The following TENM2 variants were observed in gnomAD, a reference collection of about 807,000 sequenced individuals.
TENM2 encodes teneurin-2.
Under a neutral mutation model 245.2 loss-of-function variants are expected in TENM2, and 52 were observed. The observed-to-expected ratio is 0.21, with a 90% confidence interval of 0.17 to 0.27. TENM2 has a LOEUF of 0.27. TENM2 is among the 10% of genes least tolerant of loss of function. The pLI is 1.00. For missense variants in TENM2, 3,046 were observed against 3,666.8 expected, an observed-to-expected ratio of 0.83 and a Z score of 4.37; for synonymous variants, 1,363 against 1,438.9, an observed-to-expected ratio of 0.95 and a Z score of 1.19.
chr5:167,596,105 G>T (rs1177285750), intron 2 of TENM2, among the ~76,000 whole-genome samples: 1 of 152,090 alleles, frequency 6.6e-6, no homozygotes, highest in Non-Finnish European at 1.5e-5. Flanking sequence ...TTCATATGAT[G>T]GCAAGTTCTA....
the TENM2 span, among the ~76,000 whole-genome samples, chr5:167,196,542 A>ATGTGTGTATATATATG: frequency 6.7e-6 from 1 of 148,816 alleles, no homozygotes; most frequent in African/African-American, 2.5e-5. Flanking sequence ...GTGTACATAT[A>ATGTGTGTATATATATG]TGTGTGTATA....
At chr5:167,048,451 G>A in the TENM2 span, among the ~76,000 whole-genome samples, 1 of 152,118 alleles carries the variant, frequency 6.6e-6, no homozygotes, top group Non-Finnish European at 1.5e-5. Flanking sequence ...TACATTGGAA[G>A]AGAAATGTGT....
intron 2 of TENM2, among the ~76,000 whole-genome samples, chr5:167,486,803 C>A (rs1183930357): frequency 6.6e-6 from 1 of 152,116 alleles, no homozygotes; most frequent in Non-Finnish European, 1.5e-5. Context: ...CCCATCACTA[C>A]ATGCTTGCTC....
the TENM2 span, among the ~76,000 whole-genome samples, chr5:167,194,062 C>G: frequency 6.6e-6 from 1 of 151,904 alleles, no homozygotes; most frequent in Non-Finnish European, 1.5e-5. Flanking sequence ...AAGACTAAAT[C>G]ACTGTGAAGG....
intron 2 of TENM2, among the ~76,000 whole-genome samples, chr5:167,658,989 G>T (rs1362024059): frequency 2.0e-5 from 3 of 152,148 alleles, no homozygotes; most frequent in Admixed American, 1.3e-4. Flanking sequence ...TTCTATACAT[G>T]CACAGGCAAA....
At chr5:167,813,626 G>T (rs1766810467) in intron 2 of TENM2, among the ~76,000 whole-genome samples, 1 of 152,012 alleles carries the variant, frequency 6.6e-6, no homozygotes, top group Non-Finnish European at 1.5e-5. Context: ...TTGACAAATT[G>T]AAGCCTTCAA....
chr5:167,940,814 AAACATTGTT>A (rs1455661672), intron 3 of TENM2, among the ~76,000 whole-genome samples: 3 of 152,234 alleles, frequency 2.0e-5, no homozygotes, highest in Admixed American at 6.5e-5. Context: ...CCTCTGCCTG[AAACATTGTT>A]CCCTCAGACA....
intron 2 of TENM2, among the ~76,000 whole-genome samples, chr5:167,658,111 A>T (rs1205407152): frequency 6.6e-6 from 1 of 152,050 alleles, no homozygotes; most frequent in Non-Finnish European, 1.5e-5. Context: ...GGAGGCTGGG[A>T]TGTTCAATAT....
chr5:167,089,436 G>A, the TENM2 span, among the ~76,000 whole-genome samples: 5 of 152,098 alleles, frequency 3.3e-5, no homozygotes, highest in Admixed American at 3.3e-4. Flanking sequence ...CTGATGCTTG[G>A]TAATGGTTTA....
At chr5:167,845,760 G>T (rs573839572) in intron 2 of TENM2, among the ~76,000 whole-genome samples, 1 of 152,112 alleles carries the variant, frequency 6.6e-6, no homozygotes, top group African/African-American at 2.4e-5. Context: ...AACACTCTTC[G>T]CTGATTATCT....
At chr5:168,028,629 A>G (rs896486888) in intron 5 of TENM2, among the ~76,000 whole-genome samples, 8 of 152,238 alleles carry the variant, frequency 5.3e-5, no homozygotes, top group African/African-American at 1.9e-4. Flanking sequence ...TTAATATAAT[A>G]TATCCCAAAT....
the TENM2 span, among the ~76,000 whole-genome samples, chr5:167,131,904 C>T: frequency 6.6e-6 from 1 of 152,126 alleles, no homozygotes; most frequent in African/African-American, 2.4e-5. Flanking sequence ...CTCACTGCAA[C>T]CTCCACCTCC....
chr5:167,231,328 T>G, the TENM2 span, among the ~76,000 whole-genome samples: 4 of 152,202 alleles, frequency 2.6e-5, no homozygotes, highest in Non-Finnish European at 5.9e-5. Context: ...GGTTTGGAAC[T>G]TCGTAGAGAC....
chr5:167,678,316 T>A (rs963803064), intron 2 of TENM2, among the ~76,000 whole-genome samples: 8 of 152,146 alleles, frequency 5.3e-5, no homozygotes, highest in Non-Finnish European at 7.4e-5. Flanking sequence ...ACACTTCTTG[T>A]TATCACGTAT....
chr5:167,929,061 GAAAGAA>G (rs2151688227), intron 3 of TENM2, among the ~76,000 whole-genome samples: 1 of 6,270 alleles, frequency 1.6e-4, no homozygotes, highest in South Asian at 0.012. Flanking sequence ...AAGAAAGAGA[GAAAGAA>G]AGAAAGAAAG....
rs148653222 is a variant in TENM2 at position 167,462,849 on chromosome 5, C to G, written c.502+87376C>G. Among the ~76,000 whole-genome samples the G allele has an allele frequency of 4.3e-3, 655 of 152,098 alleles. 7 individuals carry two copies. Among genetic ancestry groups the G allele is most frequent in the African/African-American group, 0.015 (618 of 41,522 alleles). ...GTTCTCATTTAGAGCTGCCAGTTTC[C>G]AGGCTGGAGGGTGGAGCGTTTGCTG... is the stretch of plus-strand genomic sequence containing the variant. On this transcript the variant is annotated intron_variant, in intron 2 of 28. Transcript: ENST00000518659.
intron 3 of TENM2, among the ~76,000 whole-genome samples, chr5:167,905,095 G>T (rs771459841): frequency 1.3e-5 from 2 of 152,186 alleles, no homozygotes; most frequent in African/African-American, 4.8e-5. Flanking sequence ...ATGATCTCAC[G>T]GTTGCAACTA....
Position 168,062,051 on chromosome 5 carries a change from T to TC in TENM2, c.1310-9_1310-8insC, listed in dbSNP as rs1206423864. The stretch of plus-strand genomic sequence containing the variant: ...ATTGACTGCTGTTTATTCCTTTTTT[T>TC]TTTTTCAGTGCCCTGGTCGTTGAAA... On this transcript the variant is annotated splice_polypyrimidine_tract_variant and intron_variant, in intron 6 of 28. Transcript: ENST00000518659. 3.7e-6 allele frequency: 6 copies of TC among 1,603,604 alleles called. No homozygotes were observed. Among genetic ancestry groups the TC allele is most frequent in the African/African-American group, 1.3e-5 (1 of 74,302 alleles).
intron 2 of TENM2, among the ~76,000 whole-genome samples, chr5:167,745,579 T>C (rs931008699): frequency 6.6e-6 from 1 of 152,228 alleles, no homozygotes; most frequent in Non-Finnish European, 1.5e-5. Flanking sequence ...TCCACAATTT[T>C]CAGCAAATTT....
Sources: gnomAD v4.1 joint callset for allele counts (sites outside exome capture counted in the v4.1 genomes callset) on GRCh38, gnomAD v4.1.1 for gene constraint, MANE v1.5 for transcripts, NCBI Gene and HGNC (gene_info 2026-07-23, HGNC 2026-07-21) for gene names.